ACSL6: variants seen among roughly 807,000 people sequenced by gnomAD.
The protein encoded by ACSL6 is long-chain-fatty-acid--CoA ligase 6.
ACSL6 carries 47 observed loss-of-function variants against 98.2 expected under a neutral mutation model. That is an observed-to-expected ratio of 0.48 (90% CI 0.38 to 0.61). The LOEUF is 0.61. ACSL6 is among the 20% of genes least tolerant of loss of function. ACSL6 has a pLI of 0.00. For synonymous variants in ACSL6, 362 were observed against 336.9 expected, an observed-to-expected ratio of 1.07 and a Z score of -0.82; for missense variants, 761 against 913.4, an observed-to-expected ratio of 0.83 and a Z score of 2.15.
intron 10 of ACSL6, 145 bp downstream of exon 10, chr5:131,976,503 C>G (rs1753619863): frequency 1.1e-5 from 8 of 747,216 alleles, no homozygotes; most frequent in Non-Finnish European, 1.7e-5. Context: ...CTAATGAGAA[C>G]AGAAACTCCT....
At chr5:131,976,553 AAAAAG>A in intron 10 of ACSL6, 90 bp downstream of exon 10, 33 of 1,182,848 alleles carry the variant, frequency 2.8e-5, no homozygotes, top group Non-Finnish European at 3.9e-5. Flanking sequence ...AGAAAAAAAA[AAAAAG>A]AAAAAGAAAA....
intron 3 of ACSL6, 43 bp downstream of exon 3, chr5:131,990,810 T>G: frequency 6.7e-7 from 1 of 1,503,622 alleles, no homozygotes; most frequent in Non-Finnish European, 9.1e-7. Context: ...ACTCCACCCC[T>G]GCCACACAGC....
Position 131,953,957 on chromosome 5 carries a change from T to C in ACSL6, c.*277A>G, listed in dbSNP as rs1377057902. 1 of 257,908 alleles carries C rather than the reference T, an allele frequency of 3.9e-6. No homozygotes were observed. The highest frequency in any genetic ancestry group is 7.4e-6 in the Non-Finnish European group (1 of 136,008). 16.0% of individuals were successfully genotyped at this position (257,908 alleles called of 1,614,324 possible). ...GTGAACATTGACAATATATTACTTTTAGTGGTACACAGTTCTTGAGAAAAT... is the reference window on the plus strand; with the variant it reads ...GTGAACATTGACAATATATTACTTTCAGTGGTACACAGTTCTTGAGAAAAT... On this transcript the variant is annotated 3_prime_UTR_variant, in exon 21 of 21. Coordinates refer to ENST00000651883, the MANE Select transcript of ACSL6 (RefSeq NM_001009185.3).
intron 15 of ACSL6, among the ~76,000 whole-genome samples, chr5:131,968,615 G>C (rs1753147739): frequency 6.6e-6 from 1 of 152,186 alleles, no homozygotes; most frequent in Non-Finnish European, 1.5e-5. Flanking sequence ...GGAAAGCTGG[G>C]ATGAAGAAAC....
At chr5:132,004,269 G>A (rs1755259347) in intron 1 of ACSL6, among the ~76,000 whole-genome samples, 1 of 144,116 alleles carries the variant, frequency 6.9e-6, no homozygotes, top group Admixed American at 7.0e-5. Flanking sequence ...CTGCTTCTCT[G>A]ACACCCCATG....
intron 1 of ACSL6, among the ~76,000 whole-genome samples, chr5:132,008,198 C>A (rs923599177): frequency 4.6e-5 from 7 of 152,216 alleles, no homozygotes; most frequent in African/African-American, 1.7e-4. Context: ...CCATCTGTCC[C>A]AATTCATAAC....
intron 16 of ACSL6, 60 bp from the exon 17 acceptor site, chr5:131,966,592 G>A: frequency 6.9e-7 from 1 of 1,445,270 alleles, no homozygotes; most frequent in Non-Finnish European, 9.7e-7. Context: ...GAGATGGGAA[G>A]CTGTCACCAG....
At chr5:131,955,986 T>A (rs989245065) in intron 20 of ACSL6, among the ~76,000 whole-genome samples, 1 of 152,216 alleles carries the variant, frequency 6.6e-6, no homozygotes. Flanking sequence ...TCTTTTGTTA[T>A]TAAAATTAAT....
At chr5:131,967,659 C>T (rs1040531866) in intron 16 of ACSL6, among the ~76,000 whole-genome samples, 12 of 120,972 alleles carry the variant, frequency 9.9e-5, no homozygotes, top group East Asian at 2.4e-4. Context: ...AGCGAGACTC[C>T]GTCTCAAATT....
At chr5:131,976,621 C>A in intron 10 of ACSL6, 27 bp downstream of exon 10, 1 of 1,590,750 alleles carries the variant, frequency 6.3e-7, no homozygotes, top group Non-Finnish European at 8.6e-7. Flanking sequence ...CAAGAGACAC[C>A]TGCAACAGTA....
At position 132,009,846 on chromosome 5, in the gene ACSL6, C is replaced by G. The variant is rs543683913; in HGVS notation, c.49+1659G>C. On this transcript the variant is annotated intron_variant, in intron 1 of 20. Coordinates refer to ENST00000651883, the MANE Select transcript of ACSL6 (RefSeq NM_001009185.3). ...TTTTCTCACAGGCTGCTGATGACCC[C>G]GGTCACAAGTGGTCTTGCAGCCCCT... 1.9e-4 allele frequency among the ~76,000 whole-genome samples: 29 copies of G among 152,256 alleles called. No homozygotes were observed. In the South Asian group the frequency reaches 6.0e-3, roughly 32 times the overall value.
chr5:131,991,565 G>A (rs1313191090), intron 2 of ACSL6, among the ~76,000 whole-genome samples: 2 of 152,188 alleles, frequency 1.3e-5, no homozygotes, highest in Non-Finnish European at 2.9e-5. Context: ...CAATGGGGGA[G>A]GAGAGGCAGG....
chr5:131,964,448 A>T (rs1752902146), intron 17 of ACSL6, among the ~76,000 whole-genome samples: 1 of 152,256 alleles, frequency 6.6e-6, no homozygotes, highest in Non-Finnish European at 1.5e-5. Context: ...CTCACAGACT[A>T]CCTGCCTGCA....
In ACSL6 at chr5:131,990,923, C is replaced by T. The variant is rs758761292; in HGVS notation, c.315G>A (p.Gln105=). ...ARRSVIGSGP[Q]LLTHYYDDAR... ...CATCATCATAGTAGTGGGTAAGTAG[C>T]TGAGGGCCAGACCCAATCACAGATC... Residue 105 remains glutamine (Q), a synonymous_variant, in exon 3 of 21, where the codon CAG becomes CAA. Transcript: ENST00000651883. 9 of 1,614,026 alleles carry T rather than the reference C, an allele frequency of 5.6e-6. No homozygotes were observed. In the South Asian group the frequency reaches 7.7e-5, roughly 14 times the overall value.
intron 1 of ACSL6, among the ~76,000 whole-genome samples, chr5:132,010,639 T>C (rs1755664086): frequency 6.6e-6 from 1 of 152,228 alleles, no homozygotes; most frequent in African/African-American, 2.4e-5. Flanking sequence ...AAGGCCAATT[T>C]AAGGATCAAG....
At chr5:131,991,068 C>G in intron 2 of ACSL6, 101 bp from the exon 3 acceptor site, 1 of 942,078 alleles carries the variant, frequency 1.1e-6, no homozygotes, top group Non-Finnish European at 1.7e-6. Context: ...GGATGTACAA[C>G]CCGTGCATGC....
chr5:131,954,229 G>T lies in ACSL6; in HGVS notation c.*5C>A. 6.2e-7 allele frequency: 1 copy of T among 1,608,954 alleles called. No individual in the cohort carries two copies. Among genetic ancestry groups the T allele is most frequent in the South Asian group, 1.1e-5 (1 of 90,048 alleles). ...CATTACACTGAGAAGAACTTTCCTTGAACTTCACATGGAGATTGAGTAAAG... is the reference window on the plus strand; with the variant it reads ...CATTACACTGAGAAGAACTTTCCTTTAACTTCACATGGAGATTGAGTAAAG... On this transcript the variant is annotated 3_prime_UTR_variant, in exon 21 of 21. Transcript: ENST00000651883.
chr5:131,966,869 C>T (rs1753041876), intron 16 of ACSL6, among the ~76,000 whole-genome samples: 1 of 152,192 alleles, frequency 6.6e-6, no homozygotes. Context: ...GCTGATTCTA[C>T]CAGGGATGCT....
rs755413552 is a variant in ACSL6 at position 131,973,394 on chromosome 5, C to G, written c.1075G>C (p.Val359Leu). 1.2e-6 allele frequency: 2 copies of G among 1,613,992 alleles called. No individual in the cohort carries two copies. The highest frequency in any genetic ancestry group is 1.7e-5 in the Admixed American group (1 of 60,024). ...CCAACACGCCCTCCGTGGCAATAGA[C>G]GACAGACTAGAAAGACAGGACAGGA... is the stretch of plus-strand genomic sequence containing the variant. ...HMFERVIQSV[V>L]YCHGGRVGFF... The change falls in exon 12 of 21, where the codon GTC (valine) becomes CTC (leucine). Residue 359 changes from valine (V) to leucine (L), a missense_variant. By Grantham distance (32) the Val-to-Leu change is conservative (BLOSUM62 1). Coordinates refer to ENST00000651883, the MANE Select transcript of ACSL6 (RefSeq NM_001009185.3).
Sources: gnomAD v4.1 joint callset for allele counts (sites outside exome capture counted in the v4.1 genomes callset) on GRCh38, gnomAD v4.1.1 for gene constraint, MANE v1.5 for transcripts, NCBI Gene and HGNC (gene_info 2026-07-23, HGNC 2026-07-21) for gene names.